ANK2: variants seen among roughly 807,000 people sequenced by gnomAD.
ANK2 encodes the protein ankyrin-2.
In ANK2, 83 loss-of-function variants were observed where a neutral mutation model predicts 360.5. The observed-to-expected ratio is 0.23, with a 90% CI of 0.19 to 0.28. The LOEUF is 0.28. Ranked by LOEUF, ANK2 falls within the 10% of genes least tolerant of loss-of-function variation. The pLI, the probability that ANK2 is intolerant of heterozygous loss-of-function variation, is 1.00. For missense variants in ANK2, 4,201 were observed against 4,795.7 expected (o/e 0.88, Z 3.66); for synonymous variants, 1,740 against 1,759.5 (o/e 0.99, Z 0.28).
chr4:113,035,254 T>C (rs1404929931), intron 2 of ANK2, among the ~76,000 whole-genome samples: 1 of 151,790 alleles, frequency 6.6e-6, no homozygotes. Context: ...AGAGGCATAT[T>C]AAGCAGTTAA....
chr4:113,326,563 T>C (rs1428814658), intron 26 of ANK2, among the ~76,000 whole-genome samples: 1 of 151,528 alleles, frequency 6.6e-6, no homozygotes, highest in Non-Finnish European at 1.5e-5. Flanking sequence ...TTTATTTCTT[T>C]CTTGACATCT....
At chr4:113,215,221 A>C (rs2099072557) in intron 4 of ANK2, among the ~76,000 whole-genome samples, 1 of 152,130 alleles carries the variant, frequency 6.6e-6, no homozygotes, top group Non-Finnish European at 1.5e-5. Context: ...AAAGGCAATG[A>C]AATATGTTTC....
At position 113,353,979 on chromosome 4, in the gene ANK2, G is replaced by A. The variant is rs765705686; in HGVS notation, c.5361G>A (p.Leu1787=). Residue 1787 remains leucine, a synonymous_variant, in exon 38 of 46, where the codon TTG becomes TTA. Transcript: ENST00000357077. ...ATGAACAGAAAGGTCGAAGCAAGTT[G>A]CCCATCAGAGTCAAAGGCAAGGAGG... ...VEDEQKGRSK[L]PIRVKGKEDV... is the part of the protein sequence containing the mutation. The A allele has an allele frequency of 6.2e-7, 1 of 1,614,012 alleles. No homozygotes were observed. Among genetic ancestry groups the A allele is most frequent in the Non-Finnish European group, 8.5e-7 (1 of 1,179,956 alleles).
At chr4:113,090,951 G>A (rs970565590) in intron 1 of ANK2, among the ~76,000 whole-genome samples, 7 of 152,160 alleles carry the variant, frequency 4.6e-5, no homozygotes, top group Non-Finnish European at 1.0e-4. Context: ...TGCCTCTGAC[G>A]TTTGATAAAC....
At chr4:113,196,873 T>C (rs534074422) in intron 3 of ANK2, among the ~76,000 whole-genome samples, 31 of 152,312 alleles carry the variant, frequency 2.0e-4, no homozygotes, top group African/African-American at 6.7e-4. Flanking sequence ...AACACCAAGA[T>C]TCTTAACCTG....
Position 113,354,722 on chromosome 4 carries a change from C to T in ANK2, c.6104C>T (p.Pro2035Leu), listed in dbSNP as rs151268188. The change falls in exon 38 of 46, where the codon CCG (proline) becomes CTG (leucine). Residue 2035 changes from proline to leucine, a missense_variant. By Grantham distance (98) the Pro-to-Leu change is moderately conservative. Around this residue, in one of 4 missense-constraint regions of ANK2, gnomAD observed 2,642 missense variants for 2,714.5 expected, o/e 0.97. Transcript: ENST00000357077. ...GKVRVEKEKG[P>L]ILTQREAQKT... ...GTTCGGGTAGAAAAAGAAAAGGGGCCGATACTAACCCAGAGAGAAGCTCAG... is the reference window on the plus strand; with the variant it reads ...GTTCGGGTAGAAAAAGAAAAGGGGCTGATACTAACCCAGAGAGAAGCTCAG... 23 of 1,613,486 alleles carry T rather than the reference C, an allele frequency of 1.4e-5. No homozygotes were observed. The highest frequency in any genetic ancestry group is 3.3e-5 in the South Asian group (3 of 91,030).
chr4:113,123,586 T>A (rs1366868527), intron 1 of ANK2, among the ~76,000 whole-genome samples: 1 of 152,216 alleles, frequency 6.6e-6, no homozygotes, highest in Non-Finnish European at 1.5e-5. Context: ...ATCAGCTATT[T>A]GAGTGTGACC....
chr4:112,991,129 T>C lies in ANK2; in HGVS notation c.21+86615T>C, dbSNP rs887213790. Among the ~76,000 whole-genome samples, 15 of 151,378 alleles carry C rather than the reference T, an allele frequency of 9.9e-5. No individual in the cohort carries two copies. The South Asian group carries it at 1.0e-3, about 11-fold the overall frequency. ...AGCTGGGCATGGTGATGCATGCCTGTAGTCCCAGCTCCTCGGGAAGCTGAG... is the reference window on the plus strand; with the variant it reads ...AGCTGGGCATGGTGATGCATGCCTGCAGTCCCAGCTCCTCGGGAAGCTGAG... On this transcript the variant is annotated intron_variant, in intron 2 of 30. Coordinates refer to the ANK2 transcript ENST00000503271.
chr4:112,978,120 T>C (rs1004372604), intron 2 of ANK2, among the ~76,000 whole-genome samples: 3 of 152,020 alleles, frequency 2.0e-5, no homozygotes, highest in Non-Finnish European at 4.4e-5. Context: ...GGTGAGTCCC[T>C]GTAATCCCAA....
intron 2 of ANK2, among the ~76,000 whole-genome samples, chr4:112,948,735 C>A (rs1177901652): frequency 6.6e-6 from 1 of 152,090 alleles, no homozygotes; most frequent in Non-Finnish European, 1.5e-5. Flanking sequence ...TATATCAAAA[C>A]GTTATTGTTA....
chr4:112,990,049 T>C (rs552038598), intron 2 of ANK2, among the ~76,000 whole-genome samples: 1 of 152,162 alleles, frequency 6.6e-6, no homozygotes, highest in South Asian at 2.1e-4. Flanking sequence ...GGCAGGAAGA[T>C]TGATTGAGGC....
At chr4:112,975,142 C>T (rs779822060) in intron 2 of ANK2, among the ~76,000 whole-genome samples, 6 of 152,082 alleles carry the variant, frequency 3.9e-5, no homozygotes, top group African/African-American at 7.2e-5. Flanking sequence ...AAATCTATGT[C>T]GGCACTTACC....
chr4:113,318,423 C>T, intron 25 of ANK2, 94 bp from the exon 26 acceptor site: 4 of 1,008,962 alleles, frequency 4.0e-6, no homozygotes, highest in South Asian at 2.8e-5. Context: ...CTAGGTTATA[C>T]CACTTTCCAG....
At chr4:113,340,777 G>A (rs2094189564) in intron 32 of ANK2, among the ~76,000 whole-genome samples, 1 of 149,584 alleles carries the variant, frequency 6.7e-6, no homozygotes, top group Admixed American at 6.7e-5. Context: ...TTTATAAAAG[G>A]TCTTACAGGG....
At chr4:113,077,865 T>G (rs11721483) in intron 1 of ANK2, among the ~76,000 whole-genome samples, 1 of 152,118 alleles carries the variant, frequency 6.6e-6, no homozygotes, top group East Asian at 1.9e-4. Flanking sequence ...GTATCTTGAA[T>G]GTATGCCTGC....
At chr4:113,376,029 A>T (rs1384828064) in intron 45 of ANK2, among the ~76,000 whole-genome samples, 4 of 152,218 alleles carry the variant, frequency 2.6e-5, no homozygotes, top group Non-Finnish European at 5.9e-5. Flanking sequence ...TGCCATTTTT[A>T]AAATTTTTGC....
At position 113,233,127 on chromosome 4, in the gene ANK2, T is replaced by C. The variant is rs1406499633; in HGVS notation, c.483+868T>C. 9.4e-5 allele frequency among the ~76,000 whole-genome samples: 9 copies of C among 95,676 alleles called. 1 individual carries two copies. The highest frequency in any genetic ancestry group is 4.5e-3 in the Middle Eastern group (1 of 224). 62.8% of individuals were successfully genotyped at this position (95,676 alleles called of 152,430 possible). On this transcript the variant is annotated intron_variant, in intron 5 of 45. Transcript: ENST00000357077. ...TTCTGTTTTTTTTTTTTTTTTTTTTTTTTTTTTTTTTTTTTTTTTTTTTTT... is the reference window on the plus strand; with the variant it reads ...TTCTGTTTTTTTTTTTTTTTTTTTTCTTTTTTTTTTTTTTTTTTTTTTTTT...
In ANK2 at chr4:113,099,362, T is replaced by C. The variant is rs1326575960; in HGVS notation, c.84+49550T>C. On this transcript the variant is annotated intron_variant, in intron 1 of 45. Transcript: ENST00000357077. Reference sequence around the variant, plus strand: ...AAGTCAGCTGATTTCCTATATACCATCAATGAGCAATTGGAATTGGAATTT... The same window carrying C: ...AAGTCAGCTGATTTCCTATATACCACCAATGAGCAATTGGAATTGGAATTT... Among the ~76,000 whole-genome samples the C allele has an allele frequency of 3.9e-5, 6 of 151,964 alleles. 1 individual carries two copies. Among genetic ancestry groups the C allele is most frequent in the African/African-American group, 1.4e-4 (6 of 41,526 alleles).
intron 2 of ANK2, among the ~76,000 whole-genome samples, chr4:113,005,062 G>T (rs1490493884): frequency 6.6e-6 from 1 of 152,150 alleles, no homozygotes; most frequent in African/African-American, 2.4e-5. Flanking sequence ...TATGAATCAA[G>T]AGTTTCTGCA....
Sources: allele counts gnomAD v4.1 joint callset (sites outside exome capture counted in the v4.1 genomes callset), GRCh38; gene constraint gnomAD v4.1.1; regional missense constraint gnomAD v4.1.1; transcripts MANE v1.5; gene names NCBI Gene and HGNC (gene_info 2026-07-23, HGNC 2026-07-21).